Variants in GSK3B observed in about 807,000 individuals in gnomAD.
GSK3B encodes the protein glycogen synthase kinase-3 beta.
A neutral mutation model predicts 56.4 loss-of-function variants in GSK3B; 15 were observed. That is an observed-to-expected ratio of 0.27 (90% CI 0.18 to 0.41). The LOEUF is 0.41. GSK3B is among the 10% of genes least tolerant of loss of function. The pLI, the probability that GSK3B is intolerant of heterozygous loss-of-function variation, is 1.00. For synonymous variants in GSK3B, 181 were observed against 188.9 expected, an observed-to-expected ratio of 0.96 and a Z score of 0.34; for missense variants, 300 against 513.4, an observed-to-expected ratio of 0.58 and a Z score of 4.02.
intron 1 of GSK3B, among the ~76,000 whole-genome samples, chr3:120,086,061 A>C (rs2058460894): frequency 6.6e-6 from 1 of 152,172 alleles, no homozygotes; most frequent in Non-Finnish European, 1.5e-5. Flanking sequence ...TATCTAGAAA[A>C]GTTCCTCTCT....
chr3:119,870,734 GT>G (rs2056240735), intron 8 of GSK3B, among the ~76,000 whole-genome samples: 1 of 152,158 alleles, frequency 6.6e-6, no homozygotes, highest in Non-Finnish European at 1.5e-5. Context: ...CATACTATAT[GT>G]ATTTGTGAGG....
At position 119,883,082 on chromosome 3, in the gene GSK3B, C is replaced by T. The variant is rs115992523; in HGVS notation, c.814-6574G>A. 4.1e-3 allele frequency among the ~76,000 whole-genome samples: 622 copies of T among 152,228 alleles called. 6 individuals are homozygous for T. Among genetic ancestry groups the T allele is most frequent in the African/African-American group, 0.014 (578 of 41,540 alleles). ...CATTTACCATCACATGACTGAATCA[C>T]GAAGGCTATTACATGGGAAACAGAG... On this transcript the variant is annotated intron_variant, in intron 7 of 10. Transcript: ENST00000264235.
At chr3:119,955,810 C>T (rs569354329) in intron 2 of GSK3B, among the ~76,000 whole-genome samples, 14 of 152,052 alleles carry the variant, frequency 9.2e-5, no homozygotes, top group Admixed American at 3.3e-4. Context: ...CCTGCCACCA[C>T]GCCTGCCTAA....
chr3:119,877,035 C>A (rs1226436244), intron 7 of GSK3B, among the ~76,000 whole-genome samples: 2 of 152,108 alleles, frequency 1.3e-5, no homozygotes, highest in Non-Finnish European at 2.9e-5. Flanking sequence ...GGCAAACAAA[C>A]TTTGTGAAAG....
chr3:120,080,746 G>A (rs2058412200), intron 1 of GSK3B, among the ~76,000 whole-genome samples: 1 of 151,792 alleles, frequency 6.6e-6, no homozygotes, highest in African/African-American at 2.4e-5. Context: ...CATGAGAATT[G>A]CTTGAACCTG....
At chr3:119,953,264 A>G (rs1161490829) in intron 2 of GSK3B, among the ~76,000 whole-genome samples, 1 of 150,234 alleles carries the variant, frequency 6.7e-6, no homozygotes, top group East Asian at 1.9e-4. Context: ...CACAGAAGAT[A>G]GTAACGAAGA....
chr3:119,921,257 A>C (rs1021814231), intron 4 of GSK3B, among the ~76,000 whole-genome samples: 25 of 152,212 alleles, frequency 1.6e-4, no homozygotes, highest in Admixed American at 9.2e-4. Flanking sequence ...ACTATATCTC[A>C]GGGCACAAAT....
chr3:119,962,375 C>CAAAAAAA (rs71156779), intron 2 of GSK3B, among the ~76,000 whole-genome samples: 10 of 120,484 alleles, frequency 8.3e-5, no homozygotes, highest in African/African-American at 1.6e-4. Flanking sequence ...AACTCTGTCT[C>CAAAAAAA]AAAAAAAAAA....
At chr3:119,996,598 T>G (rs1380795786) in intron 2 of GSK3B, among the ~76,000 whole-genome samples, 2 of 129,764 alleles carry the variant, frequency 1.5e-5, no homozygotes, top group Non-Finnish European at 3.3e-5. Flanking sequence ...TATTTAGTGT[T>G]TTTTTTTTTA....
chr3:119,970,267 T>G (rs554870877), intron 2 of GSK3B, among the ~76,000 whole-genome samples: 85 of 152,324 alleles, frequency 5.6e-4, no homozygotes, highest in African/African-American at 1.5e-3. Context: ...CAATTCAATC[T>G]TTTAAAATGG....
intron 1 of GSK3B, among the ~76,000 whole-genome samples, chr3:120,017,288 T>C (rs1271279949): frequency 6.6e-6 from 1 of 152,190 alleles, no homozygotes; most frequent in East Asian, 1.9e-4. Context: ...TCTAGAAACA[T>C]CAACCTTGAG....
chr3:120,006,083 T>C (rs914760917), intron 1 of GSK3B, among the ~76,000 whole-genome samples: 7 of 151,906 alleles, frequency 4.6e-5, no homozygotes, highest in African/African-American at 1.7e-4. Flanking sequence ...TGGAGAAAGA[T>C]CTACCAAGCA....
intron 1 of GSK3B, among the ~76,000 whole-genome samples, chr3:120,081,839 T>C (rs79100041): frequency 0.026 from 3,941 of 152,174 alleles, 174 homozygotes; most frequent in African/African-American, 0.089. Flanking sequence ...AGGAAGAACA[T>C]TAGAAGGGTC....
intron 2 of GSK3B, among the ~76,000 whole-genome samples, chr3:119,975,510 AG>A (rs1339569604): frequency 6.6e-6 from 1 of 152,208 alleles, no homozygotes; most frequent in Non-Finnish European, 1.5e-5. Flanking sequence ...CATATTGCTG[AG>A]AAAAAAAGCT....
chr3:120,079,470 T>C (rs948016402), intron 1 of GSK3B, among the ~76,000 whole-genome samples: 10 of 151,986 alleles, frequency 6.6e-5, no homozygotes, highest in Non-Finnish European at 1.2e-4. Context: ...TATCGGCTCA[T>C]TGCAACCTCC....
At chr3:120,071,846 G>A (rs1284350828) in intron 1 of GSK3B, among the ~76,000 whole-genome samples, 3 of 152,178 alleles carry the variant, frequency 2.0e-5, no homozygotes, top group East Asian at 3.8e-4. Context: ...GAAGGTTTGG[G>A]ACCACTGCCA....
chr3:119,958,919 G>A, intron 2 of GSK3B, among the ~76,000 whole-genome samples: 1 of 151,998 alleles, frequency 6.6e-6, no homozygotes, highest in East Asian at 1.9e-4. Flanking sequence ...TCCTTACTCA[G>A]GAGAAACTAG....
chr3:120,080,923 TA>T (rs1403375607), intron 1 of GSK3B, among the ~76,000 whole-genome samples: 3 of 152,216 alleles, frequency 2.0e-5, no homozygotes, highest in African/African-American at 4.8e-5. Flanking sequence ...TTCTCATATT[TA>T]AATACTGTCT....
At chr3:119,874,209 G>A (rs2056280683) in intron 8 of GSK3B, among the ~76,000 whole-genome samples, 1 of 151,996 alleles carries the variant, frequency 6.6e-6, no homozygotes, top group African/African-American at 2.4e-5. Flanking sequence ...ACTAAATACA[G>A]TGTCCCCTCC....
Sources: gnomAD v4.1 joint callset for allele counts (sites outside exome capture counted in the v4.1 genomes callset) on GRCh38, gnomAD v4.1.1 for gene constraint, MANE v1.5 for transcripts, NCBI Gene and HGNC (gene_info 2026-07-23, HGNC 2026-07-21) for gene names.